The following CADM2 variants were observed in gnomAD, a reference collection of about 807,000 sequenced individuals.
CADM2 encodes cell adhesion molecule 2, also known as immunoglobulin superfamily member 4D.
CADM2 carries 12 observed loss-of-function variants against 49.8 expected under a neutral mutation model. That is an observed-to-expected ratio of 0.24 (90% CI 0.15 to 0.39). The LOEUF is 0.39. CADM2 is among the 10% of genes least tolerant of loss of function. The probability of loss-of-function intolerance (pLI) is 1.00; values close to 1 mark genes in which losing one functional copy is unlikely to be tolerated. For missense variants in CADM2, 378 were observed against 492.3 expected, an observed-to-expected ratio of 0.77 and a Z score of 2.20; for synonymous variants, 214 against 175.4, an observed-to-expected ratio of 1.22 and a Z score of -1.74.
At chr3:85,262,707 A>G (rs1285937812) in intron 1 of CADM2, among the ~76,000 whole-genome samples, 1 of 152,102 alleles carries the variant, frequency 6.6e-6, no homozygotes, top group African/African-American at 2.4e-5. Context: ...GAACTGGGAA[A>G]GAAACATCCT....
intron 8 of CADM2, among the ~76,000 whole-genome samples, chr3:85,981,640 G>C (rs990689466): frequency 6.6e-6 from 1 of 151,540 alleles, no homozygotes; most frequent in Non-Finnish European, 1.5e-5. Flanking sequence ...AATTTGCTTA[G>C]AATAATGGCC....
chr3:85,337,043 A>T (rs1433641744), intron 1 of CADM2, among the ~76,000 whole-genome samples: 6 of 141,250 alleles, frequency 4.2e-5, no homozygotes, highest in African/African-American at 1.3e-4. Context: ...ATATATATAT[A>T]AATATATATA....
At chr3:85,432,970 GA>G (rs950852738) in intron 1 of CADM2, among the ~76,000 whole-genome samples, 32 of 151,436 alleles carry the variant, frequency 2.1e-4, no homozygotes, top group Non-Finnish European at 4.0e-4. Context: ...ATTCATTTGA[GA>G]AAAAAAATAC....
chr3:85,699,656 A>G (rs1465444431), intron 1 of CADM2, among the ~76,000 whole-genome samples: 10 of 152,140 alleles, frequency 6.6e-5, no homozygotes, highest in South Asian at 4.1e-4. Context: ...CATTGTCCCA[A>G]TGCTCCACAG....
intron 1 of CADM2, among the ~76,000 whole-genome samples, chr3:85,314,122 T>TGATCTGCCTG (rs1204101027): frequency 6.6e-6 from 1 of 152,124 alleles, no homozygotes; most frequent in Non-Finnish European, 1.5e-5. Context: ...TCTCCCGACC[T>TGATCTGCCTG]CCTGATCTGC....
chr3:85,624,050 T>C (rs1444392601), intron 1 of CADM2, among the ~76,000 whole-genome samples: 2 of 152,118 alleles, frequency 1.3e-5, no homozygotes, highest in African/African-American at 2.4e-5. Flanking sequence ...AATAAAATAT[T>C]CATATTTTGA....
At chr3:85,941,690 C>A (rs1415973733) in intron 7 of CADM2, among the ~76,000 whole-genome samples, 1 of 151,898 alleles carries the variant, frequency 6.6e-6, no homozygotes, top group Non-Finnish European at 1.5e-5. Context: ...TAGTTTGATG[C>A]GTGTGGGAAA....
At chr3:85,535,368 T>C (rs2061401546) in intron 1 of CADM2, among the ~76,000 whole-genome samples, 1 of 152,096 alleles carries the variant, frequency 6.6e-6, no homozygotes, top group Admixed American at 6.6e-5. Flanking sequence ...TTCCAACGCC[T>C]CCATGGGCCC....
intron 1 of CADM2, among the ~76,000 whole-genome samples, chr3:85,152,550 G>A (rs184849866): frequency 6.6e-6 from 1 of 152,216 alleles, no homozygotes; most frequent in East Asian, 1.9e-4. Flanking sequence ...GGAGTTGGGG[G>A]TCATATCCTC....
intron 1 of CADM2, among the ~76,000 whole-genome samples, chr3:85,448,053 C>T (rs768713367): frequency 6.6e-6 from 1 of 152,094 alleles, no homozygotes; most frequent in Admixed American, 6.5e-5. Flanking sequence ...GCAAATAGGC[C>T]GGCCGCTGTG....
At chr3:86,021,842 G>C (rs1733231692) in intron 8 of CADM2, among the ~76,000 whole-genome samples, 1 of 152,108 alleles carries the variant, frequency 6.6e-6, no homozygotes, top group Admixed American at 6.6e-5. Context: ...GAAAGAAATG[G>C]AAAGATATAA....
chr3:85,544,556 G>A, intron 1 of CADM2, among the ~76,000 whole-genome samples: 1 of 151,888 alleles, frequency 6.6e-6, no homozygotes, highest in South Asian at 2.1e-4. Flanking sequence ...CTGCCTGGGC[G>A]ACAGATAAAG....
intron 7 of CADM2, among the ~76,000 whole-genome samples, chr3:85,940,926 C>T (rs186495523): frequency 2.0e-5 from 3 of 151,888 alleles, no homozygotes; most frequent in African/African-American, 4.8e-5. Context: ...CCTATACCCC[C>T]GTCCTCACCC....
chr3:86,018,405 G>A (rs1196931516), intron 8 of CADM2, among the ~76,000 whole-genome samples: 2 of 151,102 alleles, frequency 1.3e-5, no homozygotes, highest in Non-Finnish European at 2.9e-5. Context: ...TAATGGGATG[G>A]CTGGGTCAAA....
chr3:85,964,352 G>T (rs1004581835), intron 8 of CADM2, among the ~76,000 whole-genome samples: 4 of 151,492 alleles, frequency 2.6e-5, no homozygotes, highest in African/African-American at 7.3e-5. Flanking sequence ...TACCACAATT[G>T]CTTAGATTCT....
intron 1 of CADM2, among the ~76,000 whole-genome samples, chr3:85,407,152 T>C (rs1483159069): frequency 6.6e-6 from 1 of 152,112 alleles, no homozygotes; most frequent in Non-Finnish European, 1.5e-5. Flanking sequence ...CAGTGAGCTG[T>C]GATCACGCCA....
At chr3:85,041,940 G>A (rs1457237538) in intron 1 of CADM2, among the ~76,000 whole-genome samples, 3 of 152,286 alleles carry the variant, frequency 2.0e-5, no homozygotes, top group South Asian at 2.1e-4. Flanking sequence ...GCTATTTGCT[G>A]TAATAGGCAC....
chr3:85,012,149 G>T (rs1318487198), intron 1 of CADM2, among the ~76,000 whole-genome samples: 1 of 148,486 alleles, frequency 6.7e-6, no homozygotes, highest in African/African-American at 2.5e-5. Context: ...GGGTAGTTTT[G>T]ATGAAAAAAA....
intron 1 of CADM2, among the ~76,000 whole-genome samples, chr3:85,519,907 T>C (rs2060991983): frequency 6.6e-6 from 1 of 152,032 alleles, no homozygotes; most frequent in Non-Finnish European, 1.5e-5. Context: ...GTAAGGAGAT[T>C]GCTTGATGAG....
Sources: allele counts gnomAD v4.1 joint callset (sites outside exome capture counted in the v4.1 genomes callset), GRCh38; gene constraint gnomAD v4.1.1; transcripts MANE v1.5; gene names NCBI Gene and HGNC (gene_info 2026-07-23, HGNC 2026-07-21).